The following THSD7A variants were observed in gnomAD, a reference collection of about 807,000 sequenced individuals.
The protein encoded by THSD7A is thrombospondin type 1 domain containing 7A.
In THSD7A, 96 loss-of-function variants were observed where a neutral mutation model predicts 231.3. The ratio of observed to expected loss-of-function variants is 0.41; its 90% CI spans 0.35 to 0.49. The LOEUF is 0.49. Among genes scored for constraint, THSD7A ranks in the 20% least tolerant of loss-of-function variants. THSD7A has a pLI of 0.05. For missense variants in THSD7A, 2,290 were observed against 2,070.2 expected, an observed-to-expected ratio of 1.11 and a Z score of -2.06; for synonymous variants, 940 against 743.3, an observed-to-expected ratio of 1.26 and a Z score of -4.30.
chr7:11,493,718 A>C (rs939291121), intron 6 of THSD7A, among the ~76,000 whole-genome samples: 2 of 152,050 alleles, frequency 1.3e-5, no homozygotes, highest in Non-Finnish European at 2.9e-5. Context: ...TTTGTTGTTC[A>C]TCTCATGCTC....
intron 1 of THSD7A, among the ~76,000 whole-genome samples, chr7:11,743,689 C>A (rs1200298362): frequency 7.1e-6 from 1 of 140,970 alleles, no homozygotes; most frequent in Non-Finnish European, 1.5e-5. Flanking sequence ...AACTCCAGGA[C>A]AATACTCTAA....
intron 1 of THSD7A, among the ~76,000 whole-genome samples, chr7:11,778,978 C>T (rs1462934474): frequency 1.3e-5 from 2 of 152,056 alleles, no homozygotes; most frequent in Non-Finnish European, 2.9e-5. Context: ...GTAATATTCA[C>T]ATACAAAAAT....
intron 16 of THSD7A, among the ~76,000 whole-genome samples, chr7:11,419,606 T>G (rs1359915934): frequency 6.6e-6 from 1 of 152,126 alleles, no homozygotes; most frequent in Non-Finnish European, 1.5e-5. Context: ...ACAAAAGAAG[T>G]GTAGCATTGC....
chr7:11,513,886 T>C (rs1787919341), intron 6 of THSD7A, among the ~76,000 whole-genome samples: 1 of 150,980 alleles, frequency 6.6e-6, no homozygotes, highest in Non-Finnish European at 1.5e-5. Context: ...TTACTCCCCT[T>C]CATCCCCCTC....
chr7:11,634,154 T>A lies in THSD7A; in HGVS notation c.1022+1976A>T, dbSNP rs1781752549. Among the ~76,000 whole-genome samples the A allele has an allele frequency of 6.6e-6, 1 of 152,176 alleles. No homozygotes were observed. Among genetic ancestry groups the A allele is most frequent in the Admixed American group, 6.5e-5 (1 of 15,278 alleles). On this transcript the variant is annotated intron_variant, in intron 2 of 27. Coordinates refer to ENST00000423059, the MANE Select transcript of THSD7A (RefSeq NM_015204.3). The surrounding 1 kb of genome is among the most constrained non-coding windows in gnomAD (Gnocchi z 4.1). ...ATAATAGAAATATTCACAGCCAATA[T>A]ATTTAACATAAAGTTTAACCTATAC... is the stretch of plus-strand genomic sequence containing the variant.
At chr7:11,424,862 GA>G in intron 15 of THSD7A, 33 bp from the exon 16 acceptor site, 4 of 1,613,008 alleles carry the variant, frequency 2.5e-6, no homozygotes, top group Non-Finnish European at 3.4e-6. Flanking sequence ...CAATCTCAGG[GA>G]ATCTGGTAAG....
chr7:11,373,758 A>G lies in THSD7A; in HGVS notation c.*2036T>C, dbSNP rs936514708. ...AGGGGGAGTTCATACTCCAGTATGAAGGTAAAAATACCTTCTAATCCAAAA... is the reference window on the plus strand; with the variant it reads ...AGGGGGAGTTCATACTCCAGTATGAGGGTAAAAATACCTTCTAATCCAAAA... On this transcript the variant is annotated 3_prime_UTR_variant, in exon 28 of 28. Transcript: ENST00000423059. 3.3e-5 allele frequency: 5 copies of G among 152,096 alleles called. No homozygotes were observed. Among genetic ancestry groups the G allele is most frequent in the African/African-American group, 9.7e-5 (4 of 41,440 alleles). 9.4% of individuals were successfully genotyped at this position (152,096 alleles called of 1,614,324 possible).
chr7:11,635,253 G>A (rs1473496341), intron 2 of THSD7A, among the ~76,000 whole-genome samples: 1 of 148,172 alleles, frequency 6.7e-6, no homozygotes, highest in Non-Finnish European at 1.5e-5. Flanking sequence ...TCTTACTGAT[G>A]TTACTATATT....
At chr7:11,671,744 T>C (rs747041253) in intron 1 of THSD7A, among the ~76,000 whole-genome samples, 10 of 152,136 alleles carry the variant, frequency 6.6e-5, no homozygotes, top group Non-Finnish European at 1.5e-4. Context: ...TCTAGGGCAA[T>C]GAAACACAAT....
At chr7:11,699,830 C>T (rs1485833928) in intron 1 of THSD7A, among the ~76,000 whole-genome samples, 1 of 151,102 alleles carries the variant, frequency 6.6e-6, no homozygotes, top group Non-Finnish European at 1.5e-5. Context: ...GTAGAGTGTG[C>T]TATAAAGCGA....
At chr7:11,600,181 T>C (rs1007996919) in intron 2 of THSD7A, among the ~76,000 whole-genome samples, 2 of 152,136 alleles carry the variant, frequency 1.3e-5, no homozygotes, top group East Asian at 3.9e-4. Flanking sequence ...TAACACCATA[T>C]TGTTTAGAAT....
chr7:11,656,841 T>A (rs1200468166), intron 1 of THSD7A, among the ~76,000 whole-genome samples: 1 of 151,870 alleles, frequency 6.6e-6, no homozygotes, highest in Non-Finnish European at 1.5e-5. Context: ...TTCATGTATG[T>A]TATTGTAAGA....
At chr7:11,547,214 A>G (rs759697545) in intron 4 of THSD7A, among the ~76,000 whole-genome samples, 17 of 152,240 alleles carry the variant, frequency 1.1e-4, no homozygotes, top group Non-Finnish European at 1.6e-4. Flanking sequence ...TTAAGTACAC[A>G]GATTATTGAC....
At chr7:11,556,967 T>C (rs1241344227) in intron 4 of THSD7A, among the ~76,000 whole-genome samples, 7 of 152,096 alleles carry the variant, frequency 4.6e-5, no homozygotes, top group African/African-American at 1.7e-4. Context: ...TTGGAATTCA[T>C]CCAGCTTCTT....
chr7:11,475,597 CATATATATA>C (rs1562639985), intron 7 of THSD7A, among the ~76,000 whole-genome samples: 1 of 147,582 alleles, frequency 6.8e-6, no homozygotes, highest in African/African-American at 2.5e-5. Flanking sequence ...ATGTATATAA[CATATATATA>C]ACATATATAA....
intron 23 of THSD7A, among the ~76,000 whole-genome samples, chr7:11,399,817 G>A (rs13306973): frequency 0.25 from 38,399 of 151,934 alleles, 5,820 homozygotes; most frequent in African/African-American, 0.43. Flanking sequence ...CTGGGTATAC[G>A]CCCAAAGGAC....
chr7:11,644,939 TAA>T (rs1292947353), intron 1 of THSD7A, among the ~76,000 whole-genome samples: 7 of 152,048 alleles, frequency 4.6e-5, no homozygotes, highest in Admixed American at 4.6e-4. Flanking sequence ...GACAGTATTT[TAA>T]AGTCTTCATG....
At chr7:11,723,895 T>G (rs1459419646) in intron 1 of THSD7A, among the ~76,000 whole-genome samples, 1 of 151,868 alleles carries the variant, frequency 6.6e-6, no homozygotes. Context: ...TGGAAGGATG[T>G]TGGATCTTAC....
intron 6 of THSD7A, among the ~76,000 whole-genome samples, chr7:11,521,185 C>T (rs111616186): frequency 0.12 from 17,682 of 151,552 alleles, 1,636 homozygotes; most frequent in African/African-American, 0.26. Context: ...TGAATACATA[C>T]ATACTAAGAC....
Sources: allele counts gnomAD v4.1 joint callset (sites outside exome capture counted in the v4.1 genomes callset), GRCh38; gene constraint gnomAD v4.1.1; non-coding constraint Gnocchi (gnomAD v3.1); transcripts MANE v1.5; gene names NCBI Gene and HGNC (gene_info 2026-07-23, HGNC 2026-07-21).